Variants in GALNTL6 observed in about 807,000 individuals in gnomAD.
GALNTL6 encodes polypeptide N-acetylgalactosaminyltransferase-like 6.
In GALNTL6, 46 loss-of-function variants were observed where a neutral mutation model predicts 73.7. The ratio of observed to expected loss-of-function variants is 0.62; its 90% CI spans 0.49 to 0.80. The LOEUF (loss-of-function observed/expected upper bound fraction) is 0.80. Ranked by LOEUF, GALNTL6 falls within the 30% of genes least tolerant of loss-of-function variation. The pLI, the probability that GALNTL6 is intolerant of heterozygous loss-of-function variation, is 0.00. For synonymous variants in GALNTL6, 259 were observed against 263.7 expected (o/e 0.98, Z 0.17); for missense variants, 604 against 755.0 (o/e 0.80, Z 2.34).
At chr4:171,972,422 T>C (rs903799998) in intron 2 of GALNTL6, among the ~76,000 whole-genome samples, 3 of 152,138 alleles carry the variant, frequency 2.0e-5, no homozygotes, top group African/African-American at 7.2e-5. Flanking sequence ...TATTATGTTG[T>C]CCTAGGATTA....
chr4:172,400,040 A>T (rs1295957848), intron 5 of GALNTL6, among the ~76,000 whole-genome samples: 1 of 152,108 alleles, frequency 6.6e-6, no homozygotes, highest in African/African-American at 2.4e-5. Context: ...ATAACAGCCA[A>T]AACACCCTTA....
chr4:172,253,879 A>G (rs1268149143), intron 3 of GALNTL6, among the ~76,000 whole-genome samples: 3 of 151,904 alleles, frequency 2.0e-5, no homozygotes, highest in Non-Finnish European at 4.4e-5. Context: ...TCCTATAGGC[A>G]TTGAAATGAA....
rs1391173241 is a variant in GALNTL6 at position 171,937,144 on chromosome 4, T to C, written c.138+122426T>C. On this transcript the variant is annotated intron_variant, in intron 2 of 12. Coordinates refer to ENST00000506823, the MANE Select transcript of GALNTL6 (RefSeq NM_001034845.3). ...TTCAGAGTCAGACTTGAAAGGGAAC[T>C]AGGGAAACTTGCCTCAGTTAAAACT... Among the ~76,000 whole-genome samples, 7 of 152,170 alleles carry C rather than the reference T, an allele frequency of 4.6e-5. No individual in the cohort carries two copies. The East Asian group carries it at 1.2e-3, about 25-fold the overall frequency.
intron 5 of GALNTL6, among the ~76,000 whole-genome samples, chr4:172,754,354 T>G (rs1308060685): frequency 1.3e-5 from 2 of 152,146 alleles, no homozygotes; most frequent in African/African-American, 4.8e-5. Context: ...TTGGATCACC[T>G]GAGGTCAGGA....
intron 3 of GALNTL6, among the ~76,000 whole-genome samples, chr4:172,239,611 T>A (rs1737352281): frequency 6.6e-6 from 1 of 152,190 alleles, no homozygotes; most frequent in Admixed American, 6.5e-5. Flanking sequence ...TTTGGTTATT[T>A]CTTGTCTTTT....
intron 2 of GALNTL6, among the ~76,000 whole-genome samples, chr4:172,119,728 G>A (rs1733093617): frequency 1.3e-5 from 2 of 152,162 alleles, no homozygotes; most frequent in African/African-American, 2.4e-5. Flanking sequence ...ACATGGCCAT[G>A]TTCTATCAAA....
chr4:172,422,343 G>A (rs1731079176), intron 5 of GALNTL6, among the ~76,000 whole-genome samples: 1 of 151,678 alleles, frequency 6.6e-6, no homozygotes, highest in African/African-American at 2.4e-5. Flanking sequence ...GTAATTCTCA[G>A]TCTTCCCTTT....
At chr4:171,822,874 G>T (rs888088046) in intron 2 of GALNTL6, among the ~76,000 whole-genome samples, 1 of 152,172 alleles carries the variant, frequency 6.6e-6, no homozygotes, top group Non-Finnish European at 1.5e-5. Context: ...GTTTAGAAGA[G>T]GTAAAAAATA....
At chr4:172,374,557 CATT>C (rs1468332316) in intron 5 of GALNTL6, among the ~76,000 whole-genome samples, 3 of 152,296 alleles carry the variant, frequency 2.0e-5, no homozygotes, top group Admixed American at 1.3e-4. Flanking sequence ...TGGTAGACAT[CATT>C]GAGTAATTCA....
chr4:172,455,446 T>C (rs887886324), intron 5 of GALNTL6, among the ~76,000 whole-genome samples: 3 of 152,136 alleles, frequency 2.0e-5, no homozygotes, highest in African/African-American at 7.2e-5. Flanking sequence ...CCCAGCAAGC[T>C]AAGATCCACT....
chr4:172,238,937 C>A (rs560262979), intron 3 of GALNTL6, among the ~76,000 whole-genome samples: 1 of 152,210 alleles, frequency 6.6e-6, no homozygotes, highest in Admixed American at 6.5e-5. Flanking sequence ...AACCTTGTAG[C>A]CCAAGGATAA....
chr4:172,921,282 A>C (rs1747776206), intron 8 of GALNTL6, among the ~76,000 whole-genome samples: 1 of 152,190 alleles, frequency 6.6e-6, no homozygotes, highest in Admixed American at 6.5e-5. Flanking sequence ...ATTATGCTTC[A>C]TCTTATACCT....
At chr4:172,395,809 G>GTA (rs1224614575) in intron 5 of GALNTL6, among the ~76,000 whole-genome samples, 4 of 152,122 alleles carry the variant, frequency 2.6e-5, no homozygotes, top group Admixed American at 2.0e-4. Context: ...AAACATGAAT[G>GTA]TAATTTTAGT....
chr4:172,324,121 C>T (rs1374816726), intron 4 of GALNTL6, among the ~76,000 whole-genome samples: 2 of 151,798 alleles, frequency 1.3e-5, no homozygotes, highest in African/African-American at 4.8e-5. Flanking sequence ...GAGAAATGTT[C>T]CAAATGTCAT....
intron 2 of GALNTL6, among the ~76,000 whole-genome samples, chr4:172,024,116 A>G (rs1741482897): frequency 6.6e-6 from 1 of 151,850 alleles, no homozygotes; most frequent in East Asian, 1.9e-4. Context: ...ATGCCAATGT[A>G]TGCATGAATT....
chr4:172,690,486 C>T (rs1217893864), intron 5 of GALNTL6, among the ~76,000 whole-genome samples: 1 of 152,038 alleles, frequency 6.6e-6, no homozygotes, highest in Non-Finnish European at 1.5e-5. Flanking sequence ...TTTTAATGTG[C>T]CTAATAAACA....
intron 7 of GALNTL6, among the ~76,000 whole-genome samples, chr4:172,831,725 T>C (rs1228784450): frequency 6.6e-6 from 1 of 152,172 alleles, no homozygotes; most frequent in Admixed American, 6.5e-5. Context: ...CCCAACATGA[T>C]GGGATTTGGC....
At chr4:172,034,599 T>C (rs1168379403) in intron 2 of GALNTL6, among the ~76,000 whole-genome samples, 2 of 152,154 alleles carry the variant, frequency 1.3e-5, no homozygotes, top group Non-Finnish European at 2.9e-5. Flanking sequence ...GCCAAAGTAA[T>C]ATGAGTACAC....
At chr4:172,025,351 A>T (rs1013464101) in intron 2 of GALNTL6, among the ~76,000 whole-genome samples, 3 of 151,924 alleles carry the variant, frequency 2.0e-5, no homozygotes, top group African/African-American at 7.2e-5. Context: ...TGAATATTTA[A>T]CTTCCTTTGA....
Sources: allele counts gnomAD v4.1 joint callset (sites outside exome capture counted in the v4.1 genomes callset), GRCh38; gene constraint gnomAD v4.1.1; transcripts MANE v1.5; gene names NCBI Gene and HGNC (gene_info 2026-07-23, HGNC 2026-07-21).